DYNC2H1: variants seen among roughly 807,000 people sequenced by gnomAD.
DYNC2H1 encodes cytoplasmic dynein 2 heavy chain 1.
A neutral mutation model predicts 570.0 loss-of-function variants in DYNC2H1; 410 were observed. The ratio of observed to expected loss-of-function variants is 0.72; its 90% CI spans 0.66 to 0.78. The LOEUF is 0.78. Ranked by LOEUF, DYNC2H1 falls within the 30% of genes least tolerant of loss-of-function variation. The pLI is 0.00. For synonymous variants in DYNC2H1, 1,688 were observed against 1,677.6 expected (o/e 1.01, Z -0.15); for missense variants, 4,865 against 5,046.4 (o/e 0.96, Z 1.09).
At position 103,309,952 on chromosome 11, in the gene DYNC2H1, G is replaced by A. The variant is rs1226933809; in HGVS notation, c.11494-1926G>A. ...TTCCAATTTGATTTCAATTATTAGT[G>A]AATTTTTTTATTTCTTGAATCACTA... On this transcript the variant is annotated intron_variant, in intron 78 of 88. Coordinates refer to ENST00000375735, the MANE Select transcript of DYNC2H1 (RefSeq NM_001377.3). Among the ~76,000 whole-genome samples the A allele has an allele frequency of 3.3e-5, 5 of 152,072 alleles. No homozygotes were observed. The South Asian group carries it at 1.0e-3, about 32-fold the overall frequency.
chr11:103,374,134 T>C (rs532067665), intron 83 of DYNC2H1, among the ~76,000 whole-genome samples: 10 of 152,196 alleles, frequency 6.6e-5, no homozygotes, highest in Non-Finnish European at 1.3e-4. Flanking sequence ...TATCTTTTAA[T>C]TGGAGAATGA....
rs200752422 is a variant in DYNC2H1, at chr11:103,186,760, CAAA to C, written c.6893+271_6893+273del. Among the ~76,000 whole-genome samples the C allele has an allele frequency of 7.3e-6, 1 of 136,266 alleles. No individual in the cohort carries two copies. Among genetic ancestry groups the C allele is most frequent in the Non-Finnish European group, 1.6e-5 (1 of 62,780 alleles). 89.4% of individuals were successfully genotyped at this position (136,266 alleles called of 152,430 possible). On this transcript the variant is annotated intron_variant, in intron 42 of 88. Transcript: ENST00000375735. This position sits in a 1 kb window ranked among gnomAD's most constrained non-coding sequence, Gnocchi z 4.5. ...AAAATTATCCGTCCATATAATACAG[CAAA>C]AAAAAAAAAAAGAATGCCTTATATA...
At chr11:103,350,233 A>C (rs531544821) in intron 82 of DYNC2H1, among the ~76,000 whole-genome samples, 8 of 152,278 alleles carry the variant, frequency 5.3e-5, no homozygotes, top group Admixed American at 2.0e-4. Context: ...ATTTGGGCTG[A>C]AGTTAAAAAT....
In DYNC2H1 at chr11:103,147,834, T is replaced by G. The variant is rs1374048044; in HGVS notation, c.2765T>G (p.Leu922Arg). Residue 922 changes from leucine to arginine, a missense_variant, in exon 19 of 89, where the codon CTC (leucine) becomes CGC (arginine). Coordinates refer to ENST00000375735, the MANE Select transcript of DYNC2H1 (RefSeq NM_001377.3). ...CNPVKTVIDD[L>R]IQKLFDLLVL... is the part of the protein sequence containing the mutation. ...CCTGTGAAGACTGTGATTGATGATC[T>G]CATCCAGAAGTTATTTGATCTGCTT... The G allele has an allele frequency of 3.7e-5, 59 of 1,611,994 alleles. No homozygotes were observed. Among genetic ancestry groups the G allele is most frequent in the Non-Finnish European group, 4.7e-5 (55 of 1,179,260 alleles).
At chr11:103,408,669 G>A (rs1265254710) in intron 84 of DYNC2H1, among the ~76,000 whole-genome samples, 1 of 152,064 alleles carries the variant, frequency 6.6e-6, no homozygotes, top group East Asian at 1.9e-4. Flanking sequence ...ACATTAGGAT[G>A]TCCTGATCCA....
chr11:103,317,251 C>A (rs763676450), intron 80 of DYNC2H1, among the ~76,000 whole-genome samples: 2 of 152,192 alleles, frequency 1.3e-5, no homozygotes, highest in South Asian at 4.1e-4. Context: ...CTCCCCACCC[C>A]CAACCCTGCA....
intron 84 of DYNC2H1, among the ~76,000 whole-genome samples, chr11:103,427,006 G>A (rs605751): frequency 0.56 from 84,421 of 151,930 alleles, 24,091 homozygotes; most frequent in East Asian, 0.72. Context: ...GCTAAATTGT[G>A]GAAATCAAAA....
intron 83 of DYNC2H1, among the ~76,000 whole-genome samples, chr11:103,365,986 A>G (rs1940889242): frequency 6.6e-6 from 1 of 152,248 alleles, no homozygotes; most frequent in African/African-American, 2.4e-5. Flanking sequence ...ATATCTTAAG[A>G]GAGAAAAATA....
At chr11:103,357,936 C>T (rs1244247381) in intron 82 of DYNC2H1, among the ~76,000 whole-genome samples, 2 of 152,118 alleles carry the variant, frequency 1.3e-5, no homozygotes, top group African/African-American at 4.8e-5. Context: ...GGTGTCTGAG[C>T]AAGACCCTGT....
intron 75 of DYNC2H1, among the ~76,000 whole-genome samples, chr11:103,294,276 A>G (rs979825221): frequency 2.0e-5 from 3 of 152,210 alleles, no homozygotes; most frequent in Admixed American, 6.5e-5. Context: ...GTGGACCTTC[A>G]TCATTGTCTG....
chr11:103,383,795 A>G (rs1297791928), intron 83 of DYNC2H1, among the ~76,000 whole-genome samples: 1 of 152,150 alleles, frequency 6.6e-6, no homozygotes, highest in Non-Finnish European at 1.5e-5. Flanking sequence ...AAATCTTAAT[A>G]AAAGCACTGA....
chr11:103,386,876 AC>A (rs1173891691), intron 83 of DYNC2H1, among the ~76,000 whole-genome samples: 2 of 151,822 alleles, frequency 1.3e-5, no homozygotes, highest in African/African-American at 4.8e-5. Flanking sequence ...TGTATGTGCC[AC>A]ATTTTCTTAA....
At chr11:103,389,324 A>G (rs887899341) in intron 83 of DYNC2H1, among the ~76,000 whole-genome samples, 16 of 152,134 alleles carry the variant, frequency 1.1e-4, no homozygotes, top group African/African-American at 3.1e-4. Flanking sequence ...GGTAGTTTGT[A>G]TTTCTGTGGG....
chr11:103,329,811 T>G (rs1938685507), intron 82 of DYNC2H1, among the ~76,000 whole-genome samples: 1 of 152,216 alleles, frequency 6.6e-6, no homozygotes, highest in African/African-American at 2.4e-5. Context: ...ATTTTACATT[T>G]AAAGCAACTA....
chr11:103,150,704 G>A (rs1355569811), intron 20 of DYNC2H1, among the ~76,000 whole-genome samples: 1 of 152,164 alleles, frequency 6.6e-6, no homozygotes, highest in Admixed American at 6.5e-5. Flanking sequence ...AATAAACAAA[G>A]GGTGTAAGAC....
At position 103,156,261 on chromosome 11, in the gene DYNC2H1, A is replaced by G. The variant is rs1334384964; in HGVS notation, c.3745-127A>G. On this transcript the variant is annotated intron_variant, in intron 25 of 88. Coordinates refer to ENST00000375735, the MANE Select transcript of DYNC2H1 (RefSeq NM_001377.3). Reference sequence around the variant, plus strand: ...GTTGCATGTAAAATAGAGCCACTTAACTTTTTTTTTTTTGCCTTATGGTGA... The same window carrying G: ...GTTGCATGTAAAATAGAGCCACTTAGCTTTTTTTTTTTTGCCTTATGGTGA... 9 of 881,382 alleles carry G rather than the reference A, an allele frequency of 1.0e-5. No homozygotes were observed. The East Asian group carries it at 2.5e-4, about 24-fold the overall frequency. The allele number at this position is 881,382 out of a possible 1,614,324, so 54.6% of individuals were successfully genotyped here.
chr11:103,121,916 G>C (rs1451607943), intron 10 of DYNC2H1, among the ~76,000 whole-genome samples: 1 of 151,992 alleles, frequency 6.6e-6, no homozygotes, highest in Non-Finnish European at 1.5e-5. Flanking sequence ...GTGCCACAGT[G>C]CTCCATGGTG....
chr11:103,215,984 C>T (rs2135135626), intron 55 of DYNC2H1, 126 bp downstream of exon 55: 1 of 1,203,542 alleles, frequency 8.3e-7, no homozygotes, highest in East Asian at 2.6e-5. Context: ...CTGAGTCAGA[C>T]TGATATTATG....
Position 103,209,743 on chromosome 11 carries a change from AT to A in DYNC2H1, c.8455-128del. On this transcript the variant is annotated intron_variant, in intron 52 of 88. Transcript: ENST00000375735. The surrounding 1 kb of genome is among the most constrained non-coding windows in gnomAD (Gnocchi z 4.2). ...CATTTCTTCTAAAGATTTCTGTATT[AT>A]TTTTGTCTCTTAGTCTGGAATGAAT... is the stretch of plus-strand genomic sequence containing the variant. The A allele has an allele frequency of 1.7e-6, 1 of 592,486 alleles. No individual in the cohort carries two copies. The highest frequency in any genetic ancestry group is 2.5e-6 in the Non-Finnish European group (1 of 402,258). 36.7% of individuals were successfully genotyped at this position (592,486 alleles called of 1,614,324 possible).
Sources: gnomAD v4.1 joint callset for allele counts (sites outside exome capture counted in the v4.1 genomes callset) on GRCh38, gnomAD v4.1.1 for gene constraint, Gnocchi (gnomAD v3.1) non-coding constraint, MANE v1.5 for transcripts, NCBI Gene and HGNC (gene_info 2026-07-23, HGNC 2026-07-21) for gene names.